PDE9A: variants seen among roughly 807,000 people sequenced by gnomAD.
PDE9A encodes the protein phosphodiesterase 9A.
Under a neutral mutation model 87.4 loss-of-function variants are expected in PDE9A, and 60 were observed. That is an observed-to-expected ratio of 0.69 (90% CI 0.56 to 0.85). The LOEUF is 0.85. PDE9A is among the 40% of genes least tolerant of loss of function. The pLI, the probability that PDE9A is intolerant of heterozygous loss-of-function variation, is 0.00. For synonymous variants in PDE9A, 272 were observed against 279.4 expected (o/e 0.97, Z 0.27); for missense variants, 665 against 779.0 (o/e 0.85, Z 1.74).
chr21:42,774,604 G>A (rs558436572), intron 19 of PDE9A, among the ~76,000 whole-genome samples: 22 of 152,062 alleles, frequency 1.4e-4, no homozygotes, highest in South Asian at 4.2e-4. Context: ...TGTGTCGGCC[G>A]GGCACGGTGG....
At chr21:42,740,583 GTGGATGGATGGATGGATGGA>G (rs58306941) in intron 7 of PDE9A, among the ~76,000 whole-genome samples, 22 of 108,962 alleles carry the variant, frequency 2.0e-4, no homozygotes, top group African/African-American at 4.7e-4. Flanking sequence ...AGATGGATGG[GTGGATGGATGGATGGATGGA>G]TGGATGGATG....
Position 42,760,380 on chromosome 21 carries a change from G to T in PDE9A, c.950G>T (p.Cys317Phe). Reference sequence around the variant, plus strand: ...AACCCCTTCCACAACTTCCGGCACTGCTTCTGCGTGGCCCAGATGATGTAC... The same window carrying T: ...AACCCCTTCCACAACTTCCGGCACTTCTTCTGCGTGGCCCAGATGATGTAC... ...RNNPFHNFRH[C>F]FCVAQMMYSM... Residue 317 changes from cysteine (C) to phenylalanine (F), a missense_variant, in exon 12 of 20, where the codon TGC (cysteine) becomes TTC (phenylalanine). Cys to Phe is a radical substitution (Grantham distance 205). Transcript: ENST00000291539. This position sits in a 1 kb window ranked among gnomAD's most constrained non-coding sequence, Gnocchi z 5.2. 6.2e-7 allele frequency: 1 copy of T among 1,610,060 alleles called. No homozygotes were observed.
intron 7 of PDE9A, among the ~76,000 whole-genome samples, chr21:42,740,654 GA>G (rs2053083953): frequency 1.3e-5 from 2 of 150,356 alleles, no homozygotes; most frequent in Non-Finnish European, 1.5e-5. Context: ...TGGATGGATA[GA>G]TAGTATATAA....
intron 15 of PDE9A, among the ~76,000 whole-genome samples, chr21:42,767,250 G>A (rs2056503426): frequency 6.6e-6 from 1 of 152,176 alleles, no homozygotes; most frequent in Non-Finnish European, 1.5e-5. Flanking sequence ...TGAGGTGCAG[G>A]GAGTGTGGCC....
chr21:42,765,023 G>A (rs56403073), intron 14 of PDE9A, among the ~76,000 whole-genome samples: 28 of 45,990 alleles, frequency 6.1e-4, no homozygotes, highest in Non-Finnish European at 8.1e-4. Flanking sequence ...GGATGGATGG[G>A]TGGATGGGTG....
At chr21:42,663,235 TCA>T (rs917663545) in intron 1 of PDE9A, among the ~76,000 whole-genome samples, 26 of 143,320 alleles carry the variant, frequency 1.8e-4, no homozygotes, top group African/African-American at 6.9e-4. Context: ...CACATGCATA[TCA>T]CACACATGCA....
rs573715628 is a variant in PDE9A, at chr21:42,667,741, TCCCTAGAAA to T, written c.69+13862_69+13870del. ...CTTGAAAGGACTGGCAGCCACCACT[TCCCTAGAAA>T]CCCGTGGCAAGTTCCCTCCTCCCGA... On this transcript the variant is annotated intron_variant, in intron 1 of 19. Transcript: ENST00000291539. Among the ~76,000 whole-genome samples the T allele has an allele frequency of 2.4e-4, 36 of 152,150 alleles. No individual in the cohort carries two copies. In the South Asian group the frequency reaches 7.3e-3, roughly 31 times the overall value.
At chr21:42,765,220 A>C (rs902774565) in intron 14 of PDE9A, among the ~76,000 whole-genome samples, 161 bp from the exon 15 acceptor site, 1 of 152,210 alleles carries the variant, frequency 6.6e-6, no homozygotes, top group African/African-American at 2.4e-5. Context: ...TTGGGTGGGC[A>C]GATGGATGTG....
intron 4 of PDE9A, among the ~76,000 whole-genome samples, chr21:42,727,146 A>C (rs1432621377): frequency 6.7e-6 from 1 of 148,162 alleles, no homozygotes; most frequent in Non-Finnish European, 1.5e-5. Flanking sequence ...TTGTTTACCT[A>C]TGTGGGGAGA....
chr21:42,759,003 T>C lies in PDE9A; in HGVS notation c.815T>C (p.Leu272Pro). 2.5e-6 allele frequency: 4 copies of C among 1,613,540 alleles called. No homozygotes were observed. Among genetic ancestry groups the C allele is most frequent in the Non-Finnish European group, 3.4e-6 (4 of 1,179,474 alleles). ...ATCCTTCTCCTGTGCCCACAGATGC[T>C]GAGCTGCCTGGAGCACATGTACCAC... ...DVWLWEPNEM[L>P]SCLEHMYHDL... Residue 272 changes from leucine to proline, a missense_variant, in exon 11 of 20, where the codon CTG becomes CCG. Leu to Pro is a moderately conservative substitution (Grantham distance 98). Coordinates refer to ENST00000291539, the MANE Select transcript of PDE9A (RefSeq NM_002606.3). The surrounding 1 kb of genome is among the most constrained non-coding windows in gnomAD (Gnocchi z 7.2).
intron 1 of PDE9A, among the ~76,000 whole-genome samples, chr21:42,662,467 C>T (rs966661536): frequency 3.3e-5 from 5 of 150,228 alleles, no homozygotes; most frequent in Non-Finnish European, 7.4e-5. Flanking sequence ...TACACGCACA[C>T]ACCCACCACA....
At chr21:42,717,551 A>AG (rs2050065667) in intron 4 of PDE9A, among the ~76,000 whole-genome samples, 2 of 95,344 alleles carry the variant, frequency 2.1e-5, no homozygotes, top group African/African-American at 1.1e-4. Flanking sequence ...CTCAAAAAAA[A>AG]AAAAATTTTT....
rs1477608786 is a variant in PDE9A at position 42,717,307 on chromosome 21, T to TG, written c.263-14463_263-14462insG. Among the ~76,000 whole-genome samples, 82 of 141,242 alleles carry TG rather than the reference T, an allele frequency of 5.8e-4. 1 individual carries two copies. Among genetic ancestry groups the TG allele is most frequent in the African/African-American group, 2.0e-3 (78 of 38,148 alleles). The allele number at this position is 141,242 out of a possible 152,430, so 92.7% of individuals were successfully genotyped here. A position where few individuals can be genotyped will look rare whatever the true frequency, so the allele number is the denominator to read the frequency against. On this transcript the variant is annotated intron_variant, in intron 4 of 19. Transcript: ENST00000291539. ...ATTGGAACATGCCTTTTTTTTTTTT[T>TG]TTTTTTTTTGAAATGATGTCTTGCT... is the stretch of plus-strand genomic sequence containing the variant.
At position 42,769,469 on chromosome 21, in the gene PDE9A, TGCATGCAGGTAC is replaced by T. The variant is rs2056747529; in HGVS notation, c.1590+315_1590+326del. Among the ~76,000 whole-genome samples, 10 of 68,380 alleles carry T rather than the reference TGCATGCAGGTAC, an allele frequency of 1.5e-4. No homozygotes were observed. In the South Asian group the frequency reaches 5.3e-3, roughly 36 times the overall value. 44.9% of individuals were successfully genotyped at this position (68,380 alleles called of 152,430 possible). ...ACAGGCACACACAGGCACACAAATG[TGCATGCAGGTAC>T]ACATGCACACAAGGCACGCAGGTAC... is the stretch of plus-strand genomic sequence containing the variant. On this transcript the variant is annotated intron_variant, in intron 17 of 19. Coordinates refer to ENST00000291539, the MANE Select transcript of PDE9A (RefSeq NM_002606.3).
intron 7 of PDE9A, chr21:42,733,682 C>T (rs938098331): frequency 3.9e-6 from 2 of 513,368 alleles, no homozygotes; most frequent in Non-Finnish European, 7.0e-6. Flanking sequence ...AAAATGAACA[C>T]ACGAAGCCTT....
intron 1 of PDE9A, among the ~76,000 whole-genome samples, chr21:42,684,491 A>C (rs1286804466): frequency 6.6e-6 from 1 of 152,214 alleles, no homozygotes; most frequent in Admixed American, 6.5e-5. Flanking sequence ...GCCATGGTAG[A>C]AGTGAGGGCC....
chr21:42,754,861 G>A (rs546608495), intron 10 of PDE9A, among the ~76,000 whole-genome samples: 1 of 152,260 alleles, frequency 6.6e-6, no homozygotes, highest in Admixed American at 6.5e-5. Flanking sequence ...GGAACTGTGA[G>A]TCCCTTAAGA....
intron 4 of PDE9A, among the ~76,000 whole-genome samples, chr21:42,699,506 G>T (rs528835567): frequency 6.6e-6 from 1 of 152,088 alleles, no homozygotes; most frequent in South Asian, 2.1e-4. Flanking sequence ...GCCTTGGGGT[G>T]CCTCATACAG....
At chr21:42,670,240 C>CACACAT (rs796446421) in intron 1 of PDE9A, among the ~76,000 whole-genome samples, 17,014 of 97,728 alleles carry the variant, frequency 0.17, 3,085 homozygotes, top group African/African-American at 0.52. Flanking sequence ...TACATTCACA[C>CACACAT]TCATACACAT....
Sources: allele counts gnomAD v4.1 joint callset (sites outside exome capture counted in the v4.1 genomes callset), GRCh38; gene constraint gnomAD v4.1.1; non-coding constraint Gnocchi (gnomAD v3.1); transcripts MANE v1.5; gene names NCBI Gene and HGNC (gene_info 2026-07-23, HGNC 2026-07-21).